PRKAR2B: variants seen among roughly 807,000 people sequenced by gnomAD.
PRKAR2B encodes cAMP-dependent protein kinase type II-beta regulatory subunit.
Under a neutral mutation model 49.9 loss-of-function variants are expected in PRKAR2B, and 14 were observed. The observed-to-expected ratio is 0.28, with a 90% CI of 0.19 to 0.44. PRKAR2B has a LOEUF of 0.44. Among genes scored for constraint, PRKAR2B ranks in the 20% least tolerant of loss-of-function variants. The pLI is 1.00. For missense variants in PRKAR2B, 393 were observed against 537.9 expected (o/e 0.73, Z 2.67); for synonymous variants, 196 against 197.7 (o/e 0.99, Z 0.07).
intron 1 of PRKAR2B, among the ~76,000 whole-genome samples, chr7:107,060,487 T>C (rs780488143): frequency 2.6e-5 from 4 of 152,254 alleles, no homozygotes; most frequent in Non-Finnish European, 5.9e-5. Flanking sequence ...GCTAGTGACA[T>C]TGAACATCTT....
intron 4 of PRKAR2B, among the ~76,000 whole-genome samples, chr7:107,134,872 C>T (rs956883216): frequency 1.3e-5 from 2 of 152,044 alleles, no homozygotes; most frequent in Non-Finnish European, 1.5e-5. Flanking sequence ...GAGCTTAAAC[C>T]ATAAAACTCT....
chr7:107,078,286 G>A (rs952407299), intron 2 of PRKAR2B: 9 of 152,080 alleles, frequency 5.9e-5, no homozygotes, highest in Admixed American at 4.6e-4. Flanking sequence ...TCAGAAGGAT[G>A]ACACCCAGGG....
intron 2 of PRKAR2B, among the ~76,000 whole-genome samples, chr7:107,097,947 T>G (rs1373469676): frequency 1.3e-5 from 2 of 152,242 alleles, no homozygotes; most frequent in Non-Finnish European, 2.9e-5. Context: ...TTAACATTTT[T>G]TCCTTCATTT....
chr7:107,099,298 G>A (rs1276307164), intron 2 of PRKAR2B, among the ~76,000 whole-genome samples: 2 of 152,188 alleles, frequency 1.3e-5, no homozygotes, highest in East Asian at 1.9e-4. Context: ...GGCTGTGTGG[G>A]TGTTGGACCC....
At chr7:107,063,387 A>T (rs1455606947) in intron 1 of PRKAR2B, among the ~76,000 whole-genome samples, 1 of 152,052 alleles carries the variant, frequency 6.6e-6, no homozygotes, top group Non-Finnish European at 1.5e-5. Flanking sequence ...TGTAGCCAGC[A>T]GTGTTCTAAG....
chr7:107,123,697 A>G (rs895898727), intron 3 of PRKAR2B, among the ~76,000 whole-genome samples: 7 of 152,172 alleles, frequency 4.6e-5, no homozygotes, highest in Admixed American at 1.3e-4. Flanking sequence ...AAAAAGTCCA[A>G]CCTACTTGGG....
chr7:107,096,245 T>C (rs1234219389), intron 2 of PRKAR2B, among the ~76,000 whole-genome samples: 1 of 152,242 alleles, frequency 6.6e-6, no homozygotes, highest in South Asian at 2.1e-4. Flanking sequence ...GATGTATGTG[T>C]CCAGGAATTT....
At chr7:107,110,933 T>A (rs1321291647) in intron 2 of PRKAR2B, among the ~76,000 whole-genome samples, 1 of 152,184 alleles carries the variant, frequency 6.6e-6, no homozygotes, top group Non-Finnish European at 1.5e-5. Flanking sequence ...AGGTACTAGC[T>A]CAGCCACAGA....
chr7:107,065,313 G>GGTGTGT (rs1353262616), intron 1 of PRKAR2B, among the ~76,000 whole-genome samples: 64 of 130,392 alleles, frequency 4.9e-4, no homozygotes, highest in African/African-American at 1.8e-3. Flanking sequence ...GTTTGCTCGG[G>GGTGTGT]GTGTGTGTAT....
intron 1 of PRKAR2B, among the ~76,000 whole-genome samples, chr7:107,063,401 T>C (rs1182290745): frequency 6.7e-6 from 1 of 149,556 alleles, no homozygotes; most frequent in East Asian, 2.6e-4. Flanking sequence ...TTCTAAGCCT[T>C]GGGGATACAG....
chr7:107,161,187 CCTT>C lies in PRKAR2B; in HGVS notation c.*1609_*1611del, dbSNP rs768701767. On this transcript the variant is annotated 3_prime_UTR_variant, in exon 11 of 11. Coordinates refer to ENST00000265717, the MANE Select transcript of PRKAR2B (RefSeq NM_002736.3). Reference sequence around the variant, plus strand: ...AACACTGTTTAACATTTTTGCAAAACCTTCTTGTAGGAAAAGAGAGCTCTCTAC... The same window carrying C: ...AACACTGTTTAACATTTTTGCAAAACCTTGTAGGAAAAGAGAGCTCTCTAC... The C allele has an allele frequency of 4.6e-5, 7 of 152,160 alleles. No homozygotes were observed. The highest frequency in any genetic ancestry group is 9.7e-5 in the African/African-American group (4 of 41,438). 9.4% of individuals were successfully genotyped at this position (152,160 alleles called of 1,614,324 possible). A position where few individuals can be genotyped will look rare whatever the true frequency, so the allele number is the denominator to read the frequency against.
intron 2 of PRKAR2B, among the ~76,000 whole-genome samples, chr7:107,086,444 A>AG (rs1450680741): frequency 6.6e-6 from 1 of 152,082 alleles, no homozygotes. Context: ...TAATATTAGT[A>AG]GGGTTTTTTT....
At chr7:107,114,154 GT>G (rs1390064122) in intron 2 of PRKAR2B, among the ~76,000 whole-genome samples, 1 of 152,042 alleles carries the variant, frequency 6.6e-6, no homozygotes, top group African/African-American at 2.4e-5. Context: ...CAGTGATTGA[GT>G]ACACATACTT....
chr7:107,106,429 A>T (rs1365060413), intron 2 of PRKAR2B, among the ~76,000 whole-genome samples: 2 of 152,188 alleles, frequency 1.3e-5, no homozygotes, highest in Non-Finnish European at 2.9e-5. Flanking sequence ...ATGGACAATA[A>T]TATTTGCAAC....
At chr7:107,125,132 C>T (rs528204331) in intron 3 of PRKAR2B, among the ~76,000 whole-genome samples, 1 of 152,216 alleles carries the variant, frequency 6.6e-6, no homozygotes, top group Admixed American at 6.5e-5. Context: ...GCCTAGAGGC[C>T]ATACATACAA....
In PRKAR2B at chr7:107,094,992, CT is replaced by C. The variant is rs546931569; in HGVS notation, c.343+24682del. Among the ~76,000 whole-genome samples the C allele has an allele frequency of 3.6e-3, 550 of 152,246 alleles. 4 individuals carry two copies. Among genetic ancestry groups the C allele is most frequent in the African/African-American group, 0.013 (522 of 41,540 alleles). Reference sequence around the variant, plus strand: ...TAGGATTGTCTTGGCAATACGGGCTCTTTTTTGGCTCCACATGAACTTTAAA... The same window carrying C: ...TAGGATTGTCTTGGCAATACGGGCTCTTTTTGGCTCCACATGAACTTTAAA... On this transcript the variant is annotated intron_variant, in intron 2 of 10. Transcript: ENST00000265717.
At chr7:107,054,214 C>T (rs1426815925) in intron 1 of PRKAR2B, among the ~76,000 whole-genome samples, 1 of 151,926 alleles carries the variant, frequency 6.6e-6, no homozygotes, top group Non-Finnish European at 1.5e-5. Context: ...ATTAGCCTGG[C>T]GTGGTGGCAG....
At chr7:107,122,143 T>TAGCCTA in intron 3 of PRKAR2B, 139 bp downstream of exon 3, 1 of 490,748 alleles carries the variant, frequency 2.0e-6, no homozygotes, top group Non-Finnish European at 3.5e-6. Flanking sequence ...CTTTTCCTAG[T>TAGCCTA]CTCATCTCCA....
chr7:107,160,124 A>T lies in PRKAR2B; in HGVS notation c.*542A>T, dbSNP rs778091354. 4.6e-5 allele frequency: 7 copies of T among 152,690 alleles called. No individual in the cohort carries two copies. Among genetic ancestry groups the T allele is most frequent in the African/African-American group, 1.2e-4 (5 of 41,464 alleles). 9.5% of individuals were successfully genotyped at this position (152,690 alleles called of 1,614,324 possible). A position where few individuals can be genotyped will look rare whatever the true frequency, so the allele number is the denominator to read the frequency against. ...TATTGGTGAAATGGTATAAAATATC[A>T]TATGCAGTTTTAAAACTTTTTATAT... On this transcript the variant is annotated 3_prime_UTR_variant, in exon 11 of 11. Coordinates refer to ENST00000265717, the MANE Select transcript of PRKAR2B (RefSeq NM_002736.3).
Sources: gnomAD v4.1 joint callset for allele counts (sites outside exome capture counted in the v4.1 genomes callset) on GRCh38, gnomAD v4.1.1 for gene constraint, MANE v1.5 for transcripts, NCBI Gene and HGNC (gene_info 2026-07-23, HGNC 2026-07-21) for gene names.